ADAMTS2: variants seen among roughly 807,000 people sequenced by gnomAD.
The protein encoded by ADAMTS2 is ADAM metallopeptidase with thrombospondin type 1 motif 2.
A neutral mutation model predicts 123.0 loss-of-function variants in ADAMTS2; 50 were observed. That is an observed-to-expected ratio of 0.41 (90% CI 0.32 to 0.51). The LOEUF (loss-of-function observed/expected upper bound fraction) is 0.51, where lower values mean the gene tolerates loss of function less well. Ranked by LOEUF, ADAMTS2 falls within the 20% of genes least tolerant of loss-of-function variation. The pLI is 0.35. For synonymous variants in ADAMTS2, 678 were observed against 695.4 expected (o/e 0.98, Z 0.39); for missense variants, 1,494 against 1,705.2 (o/e 0.88, Z 2.18).
rs7735931 is a variant in ADAMTS2 at position 179,129,379 on chromosome 5, T to A, written c.2457+553A>T. Among the ~76,000 whole-genome samples, 6,998 of 152,278 alleles carry A rather than the reference T, an allele frequency of 0.046. 542 individuals carry two copies. Among genetic ancestry groups the A allele is most frequent in the African/African-American group, 0.16 (6,591 of 41,524 alleles). On this transcript the variant is annotated intron_variant, in intron 16 of 21. Transcript: ENST00000251582. This position sits in a 1 kb window ranked among gnomAD's most constrained non-coding sequence, Gnocchi z 4.1. ...GCATGGGAGCCTTATTTGTGATATG[T>A]ACCTTTTTTGACAAATAAAATATAT...
rs541832271 is a variant in ADAMTS2 at position 179,155,301 on chromosome 5, G to A, written c.1133-382C>T. Among the ~76,000 whole-genome samples the A allele has an allele frequency of 2.0e-5, 3 of 152,298 alleles. No individual in the cohort carries two copies. In the East Asian group the frequency reaches 5.8e-4, roughly 29 times the overall value. ...GCCTGCCTCACTGAGTGGCCCCTGA[G>A]CAGCACCTGCTTCCACACCTCTCTC... On this transcript the variant is annotated intron_variant, in intron 6 of 21. Coordinates refer to ENST00000251582, the MANE Select transcript of ADAMTS2 (RefSeq NM_014244.5). The surrounding 1 kb of genome is among the most constrained non-coding windows in gnomAD (Gnocchi z 5.1).
chr5:179,257,162 C>T (rs1312310748), intron 3 of ADAMTS2, among the ~76,000 whole-genome samples: 1 of 152,234 alleles, frequency 6.6e-6, no homozygotes, highest in Non-Finnish European at 1.5e-5. Context: ...TGAGTCCCCA[C>T]ACTCCTTCCC....
At chr5:179,205,757 G>GTTATTATTATTAA (rs1554130228) in intron 4 of ADAMTS2, among the ~76,000 whole-genome samples, 1 of 115,938 alleles carries the variant, frequency 8.6e-6, no homozygotes, top group African/African-American at 2.8e-5. Context: ...TGGTTTTATT[G>GTTATTATTATTAA]TTATTATTAT....
chr5:179,236,397 T>C lies in ADAMTS2; in HGVS notation c.689-28682A>G, dbSNP rs545086200. On this transcript the variant is annotated intron_variant, in intron 3 of 21. Coordinates refer to ENST00000251582, the MANE Select transcript of ADAMTS2 (RefSeq NM_014244.5). ...CCAGGAAATCCCAACCTCCAGGCCC[T>C]GACTGAGGCACTAAGACCCAAGCAA... Among the ~76,000 whole-genome samples, 8 of 152,286 alleles carry C rather than the reference T, an allele frequency of 5.3e-5. No individual in the cohort carries two copies. The East Asian group carries it at 1.5e-3, about 29-fold the overall frequency.
intron 1 of ADAMTS2, among the ~76,000 whole-genome samples, 156 bp from the exon 2 acceptor site, chr5:179,344,317 T>A (rs1306045819): frequency 6.6e-6 from 1 of 152,080 alleles, no homozygotes; most frequent in Admixed American, 6.5e-5. Context: ...CCTCCCCGGC[T>A]TTCCTGCAAC....
In ADAMTS2 at chr5:179,256,061, C is replaced by G. The variant is rs140618398; in HGVS notation, c.688+16850G>C. 0.011 allele frequency among the ~76,000 whole-genome samples: 1,673 copies of G among 152,316 alleles called. 21 individuals carry two copies. The highest frequency in any genetic ancestry group is 0.031 in the Middle Eastern group (9 of 294). On this transcript the variant is annotated intron_variant, in intron 3 of 21. Coordinates refer to ENST00000251582, the MANE Select transcript of ADAMTS2 (RefSeq NM_014244.5). The surrounding 1 kb of genome is among the most constrained non-coding windows in gnomAD (Gnocchi z 4.1). Reference sequence around the variant, plus strand: ...GTCCCCAGCCTCTCCCGCAGCTTGGCCTTGGTCCACCGTGGACAGCGTCTC... The same window carrying G: ...GTCCCCAGCCTCTCCCGCAGCTTGGGCTTGGTCCACCGTGGACAGCGTCTC...
intron 3 of ADAMTS2, among the ~76,000 whole-genome samples, chr5:179,265,451 G>A (rs1450845436): frequency 1.3e-5 from 2 of 152,154 alleles, no homozygotes; most frequent in African/African-American, 4.8e-5. Flanking sequence ...CGTGGAGGGG[G>A]AGCACACCCT....
At chr5:179,279,124 A>C (rs1581242227) in intron 2 of ADAMTS2, among the ~76,000 whole-genome samples, 1 of 151,694 alleles carries the variant, frequency 6.6e-6, no homozygotes, top group South Asian at 2.1e-4. Flanking sequence ...GCAGCCTCCC[A>C]CCTGTGTATG....
intron 18 of ADAMTS2, 33 bp downstream of exon 18, chr5:179,125,962 TCTC>T (rs753083627): frequency 1.2e-6 from 2 of 1,612,704 alleles, no homozygotes; most frequent in Admixed American, 1.7e-5. Context: ...CCCTGGCCTG[TCTC>T]CTCTAGTGGG....
At chr5:179,204,897 C>T (rs573110221) in intron 4 of ADAMTS2, among the ~76,000 whole-genome samples, 23 of 152,360 alleles carry the variant, frequency 1.5e-4, no homozygotes, top group Middle Eastern at 3.4e-3. Context: ...ACTGTCAACA[C>T]GTTTGCTGAA....
At chr5:179,255,332 A>G (rs1026984094) in intron 3 of ADAMTS2, among the ~76,000 whole-genome samples, 4 of 152,212 alleles carry the variant, frequency 2.6e-5, no homozygotes, top group African/African-American at 9.6e-5. Flanking sequence ...ACAAAGTCAG[A>G]GGCAAGACCA....
chr5:179,271,568 C>T (rs998657681), intron 3 of ADAMTS2, among the ~76,000 whole-genome samples: 1 of 152,164 alleles, frequency 6.6e-6, no homozygotes, highest in Non-Finnish European at 1.5e-5. Flanking sequence ...TCCTTCCCTG[C>T]AAAATAGTCC....
Position 179,208,517 on chromosome 5 carries a change from C to T in ADAMTS2, c.689-802G>A, listed in dbSNP as rs559505860. Among the ~76,000 whole-genome samples the T allele has an allele frequency of 3.0e-4, 45 of 152,296 alleles. No homozygotes were observed. The South Asian group carries it at 9.1e-3, about 31-fold the overall frequency. On this transcript the variant is annotated intron_variant, in intron 3 of 21. Transcript: ENST00000251582. The stretch of plus-strand genomic sequence containing the variant: ...CCTGCCCCCAGGGTGTGCCCCTGGC[C>T]ACTTGGGGCTGCCATCCTGGGGAGT...
chr5:179,295,373 G>C (rs1756299831), intron 2 of ADAMTS2, among the ~76,000 whole-genome samples: 1 of 152,166 alleles, frequency 6.6e-6, no homozygotes, highest in Admixed American at 6.5e-5. Context: ...TGGGGAGAGA[G>C]ACAGAAGGTT....
Position 179,342,826 on chromosome 5 carries a change from T to C in ADAMTS2, c.534+941A>G, listed in dbSNP as rs947519935. ...GCACCGCCAATGTCAGCCTCCTCCC[T>C]CAGCATCGATCCAGGCTTCCTCTGA... On this transcript the variant is annotated intron_variant, in intron 2 of 21. Coordinates refer to ENST00000251582, the MANE Select transcript of ADAMTS2 (RefSeq NM_014244.5). 3.9e-5 allele frequency among the ~76,000 whole-genome samples: 6 copies of C among 152,152 alleles called. No homozygotes were observed. The East Asian group carries it at 9.7e-4, about 25-fold the overall frequency.
rs569302513 is a variant in ADAMTS2, at chr5:179,328,155, C to A, written c.534+15612G>T. ...TCACGCCATTCTCCTGCCTCAGCCTCCCGAGTAGCTGGGACTACAGGCGCG... is the reference window on the plus strand; with the variant it reads ...TCACGCCATTCTCCTGCCTCAGCCTACCGAGTAGCTGGGACTACAGGCGCG... On this transcript the variant is annotated intron_variant, in intron 2 of 21. Transcript: ENST00000251582. Among the ~76,000 whole-genome samples, 9 of 152,346 alleles carry A rather than the reference C, an allele frequency of 5.9e-5. No homozygotes were observed. In the East Asian group the frequency reaches 1.7e-3, roughly 29 times the overall value.
chr5:179,309,854 T>C (rs1039668343), intron 2 of ADAMTS2, among the ~76,000 whole-genome samples: 2 of 148,508 alleles, frequency 1.3e-5, no homozygotes, highest in African/African-American at 2.5e-5. Context: ...TTAAAATGCA[T>C]AGGGGAGGAG....
At chr5:179,201,303 G>T (rs935695768) in intron 4 of ADAMTS2, among the ~76,000 whole-genome samples, 3 of 152,174 alleles carry the variant, frequency 2.0e-5, no homozygotes, top group African/African-American at 7.2e-5. Flanking sequence ...TACAGTTAGT[G>T]GCATGTCTGA....
chr5:179,265,721 C>T (rs1358401644), intron 3 of ADAMTS2, among the ~76,000 whole-genome samples: 3 of 152,224 alleles, frequency 2.0e-5, no homozygotes, highest in Non-Finnish European at 4.4e-5. Flanking sequence ...GCGTGGGCCA[C>T]ATCACCGCGC....
Sources: gnomAD v4.1 joint callset for allele counts (sites outside exome capture counted in the v4.1 genomes callset) on GRCh38, gnomAD v4.1.1 for gene constraint, Gnocchi (gnomAD v3.1) non-coding constraint, MANE v1.5 for transcripts, NCBI Gene and HGNC (gene_info 2026-07-23, HGNC 2026-07-21) for gene names.